Variants in UGGT1 observed in about 807,000 individuals in gnomAD.
UGGT1 encodes UDP-glucose:glycoprotein glucosyltransferase 1.
UGGT1 carries 107 observed loss-of-function variants against 203.9 expected under a neutral mutation model. The ratio of observed to expected loss-of-function variants is 0.52; its 90% CI spans 0.45 to 0.62. UGGT1 has a LOEUF of 0.62. Among genes scored for constraint, UGGT1 ranks in the 20% least tolerant of loss-of-function variants. UGGT1 has a pLI of 0.00. For synonymous variants in UGGT1, 628 were observed against 653.5 expected, an observed-to-expected ratio of 0.96 and a Z score of 0.59; for missense variants, 1,673 against 1,867.2, an observed-to-expected ratio of 0.90 and a Z score of 1.92.
chr2:128,123,539 C>T (rs1230950598), intron 11 of UGGT1, among the ~76,000 whole-genome samples: 2 of 152,188 alleles, frequency 1.3e-5, no homozygotes, highest in African/African-American at 4.8e-5. Flanking sequence ...TGATATTTCT[C>T]TCCAGAATTC....
intron 27 of UGGT1, 66 bp from the exon 28 acceptor site, chr2:128,171,139 A>T: frequency 3.6e-6 from 5 of 1,391,424 alleles, no homozygotes; most frequent in Non-Finnish European, 5.0e-6. Flanking sequence ...TTAATAGCTC[A>T]GTGTCAAATA....
chr2:128,189,628 T>C (rs574997634), intron 40 of UGGT1, 89 bp from the exon 41 acceptor site: 1 of 1,333,804 alleles, frequency 7.5e-7, no homozygotes, highest in African/African-American at 1.4e-5. Context: ...GTACAAAGAA[T>C]AGGTTCCAGT....
chr2:128,174,890 A>G, intron 31 of UGGT1, 32 bp downstream of exon 31: 2 of 1,576,972 alleles, frequency 1.3e-6, no homozygotes, highest in Non-Finnish European at 1.7e-6. Context: ...ACATTATCCC[A>G]GAACTTTTAG....
intron 1 of UGGT1, among the ~76,000 whole-genome samples, chr2:128,095,868 G>A (rs6719115): frequency 0.9 from 136,981 of 152,228 alleles, 62,421 homozygotes; most frequent in Non-Finnish European, 0.98. Context: ...GCCTCCCTCA[G>A]TGATAGATTT....
intron 31 of UGGT1, 137 bp downstream of exon 31, chr2:128,174,995 C>A: frequency 1.5e-6 from 1 of 653,260 alleles, no homozygotes. Context: ...AGTGGTTTTT[C>A]CAGGAAATTA....
chr2:128,172,459 G>T, intron 28 of UGGT1, 114 bp from the exon 29 acceptor site: 3 of 1,263,250 alleles, frequency 2.4e-6, no homozygotes, highest in Non-Finnish European at 3.3e-6. Context: ...CAATCTGGAA[G>T]GGTACTCCTC....
chr2:128,132,997 C>T lies in UGGT1; in HGVS notation c.1378-144C>T, dbSNP rs746554671. 5.9e-6 allele frequency: 6 copies of T among 1,013,480 alleles called. No homozygotes were observed. In the South Asian group the frequency reaches 7.9e-5, roughly 13 times the overall value. 62.8% of individuals were successfully genotyped at this position (1,013,480 alleles called of 1,614,324 possible). A position where few individuals can be genotyped will look rare whatever the true frequency, so the allele number is the denominator to read the frequency against. Reference sequence around the variant, plus strand: ...GCTAGGATTACAGATGTGAGCCACTCACTGCAGCCAATCTTTTTATCTTTG... The same window carrying T: ...GCTAGGATTACAGATGTGAGCCACTTACTGCAGCCAATCTTTTTATCTTTG... On this transcript the variant is annotated intron_variant, in intron 13 of 40. Transcript: ENST00000259253.
At chr2:128,125,282 A>G (rs1688553769) in intron 11 of UGGT1, among the ~76,000 whole-genome samples, 1 of 152,006 alleles carries the variant, frequency 6.6e-6, no homozygotes, top group Non-Finnish European at 1.5e-5. Context: ...TTGCTGGAGT[A>G]GGGGGTAGCA....
intron 35 of UGGT1, 47 bp from the exon 36 acceptor site, chr2:128,180,843 C>G: frequency 1.3e-6 from 2 of 1,569,772 alleles, no homozygotes; most frequent in Non-Finnish European, 1.7e-6. Flanking sequence ...AAGCAGTTTT[C>G]TTAATCAGAA....
At chr2:128,130,575 T>C (rs868072458) in intron 13 of UGGT1, among the ~76,000 whole-genome samples, 7 of 152,180 alleles carry the variant, frequency 4.6e-5, no homozygotes, top group Non-Finnish European at 1.0e-4. Context: ...CTAACAACCA[T>C]AGGACCCATC....
At chr2:128,119,926 CCTTT>C (rs1264705111) in intron 8 of UGGT1, among the ~76,000 whole-genome samples, 4 of 150,994 alleles carry the variant, frequency 2.6e-5, no homozygotes, top group African/African-American at 4.9e-5. Flanking sequence ...CTCCTTTGTT[CCTTT>C]CTTTCTTTCT....
At chr2:128,185,315 G>A (rs1370347178) in intron 38 of UGGT1, among the ~76,000 whole-genome samples, 2 of 148,392 alleles carry the variant, frequency 1.3e-5, no homozygotes, top group East Asian at 2.0e-4. Flanking sequence ...TTACAGAGGC[G>A]TGCCACCACA....
chr2:128,155,366 C>T, intron 19 of UGGT1, 123 bp from the exon 20 acceptor site: 1 of 711,518 alleles, frequency 1.4e-6, no homozygotes, highest in Non-Finnish European at 2.3e-6. Context: ...AAACATGGAA[C>T]TTAATATACT....
intron 26 of UGGT1, among the ~76,000 whole-genome samples, chr2:128,168,461 C>T (rs1279229503): frequency 6.6e-6 from 1 of 152,106 alleles, no homozygotes; most frequent in Non-Finnish European, 1.5e-5. Context: ...CAGTTTTCTT[C>T]GTTATGCTGT....
intron 14 of UGGT1, 112 bp downstream of exon 14, chr2:128,133,372 A>T (rs1688976682): frequency 1.5e-6 from 2 of 1,366,628 alleles, no homozygotes; most frequent in Non-Finnish European, 2.0e-6. Flanking sequence ...TTCCTCCCCC[A>T]CCCTTCACCA....
In UGGT1 at chr2:128,187,571, G is replaced by A. The variant is rs149608348; in HGVS notation, c.4599G>A (p.Thr1533=). The change falls in exon 40 of 41, where the codon ACG becomes ACA. Residue 1533 remains threonine, a synonymous_variant. Transcript: ENST00000259253. ...TCCGCTTTCAGAAGGAGAAAGAAAC[G>A]GGAGCACTGTACAAAGAGAAGACAA... ...LQIRFQKEKE[T]GALYKEKTKE... 59 of 1,613,946 alleles carry A rather than the reference G, an allele frequency of 3.7e-5. No individual in the cohort carries two copies. The African/African-American group carries it at 6.0e-4, about 16-fold the overall frequency.
At chr2:128,099,532 G>A in intron 2 of UGGT1, among the ~76,000 whole-genome samples, 3 of 152,270 alleles carry the variant, frequency 2.0e-5, no homozygotes, top group Middle Eastern at 6.8e-3. Flanking sequence ...TGAACGAATG[G>A]TTGCACCTCT....
intron 6 of UGGT1, 109 bp from the exon 7 acceptor site, chr2:128,115,015 A>G (rs1688033605): frequency 5.6e-6 from 5 of 891,878 alleles, no homozygotes; most frequent in South Asian, 3.5e-5. Flanking sequence ...TTTTGAGGGC[A>G]TAATCCGAGG....
At chr2:128,151,441 A>G (rs1689968375) in intron 18 of UGGT1, 1 of 354,570 alleles carries the variant, frequency 2.8e-6, no homozygotes. Context: ...AAGTAGATTT[A>G]TAATATTGAC....
Sources: gnomAD v4.1 joint callset for allele counts (sites outside exome capture counted in the v4.1 genomes callset) on GRCh38, gnomAD v4.1.1 for gene constraint, MANE v1.5 for transcripts, NCBI Gene and HGNC (gene_info 2026-07-23, HGNC 2026-07-21) for gene names.